The following ROBO2 variants were observed in gnomAD, a reference collection of about 807,000 sequenced individuals.
The protein encoded by ROBO2 is roundabout guidance receptor 2.
A neutral mutation model predicts 160.8 loss-of-function variants in ROBO2; 53 were observed. That is an observed-to-expected ratio of 0.33 (90% CI 0.26 to 0.41). ROBO2 has a LOEUF of 0.41. Among genes scored for constraint, ROBO2 ranks in the 10% least tolerant of loss-of-function variants. ROBO2 has a pLI of 1.00. For synonymous variants in ROBO2, 664 were observed against 611.7 expected (o/e 1.09, Z -1.26); for missense variants, 1,577 against 1,722.4 (o/e 0.92, Z 1.49).
chr3:76,063,350 T>A (rs2068130269), intron 2 of ROBO2, among the ~76,000 whole-genome samples: 1 of 151,016 alleles, frequency 6.6e-6, no homozygotes, highest in Non-Finnish European at 1.5e-5. Context: ...TCCCTTTTTT[T>A]TTTTTTTTTT....
chr3:77,353,099 A>AG (rs573915661), intron 2 of ROBO2, among the ~76,000 whole-genome samples: 76,293 of 141,742 alleles, frequency 0.54, 19,561 homozygotes, highest in East Asian at 0.8. Context: ...ACTTTTTCAT[A>AG]GTTTAAAAAT....
At chr3:76,357,851 C>T (rs1047399045) in intron 2 of ROBO2, among the ~76,000 whole-genome samples, 1 of 150,112 alleles carries the variant, frequency 6.7e-6, no homozygotes, top group African/African-American at 2.5e-5. Flanking sequence ...TTAGAAACAT[C>T]AAACCAAATC....
intron 2 of ROBO2, among the ~76,000 whole-genome samples, chr3:77,237,409 T>TGTG (rs766161627): frequency 1.0e-4 from 4 of 39,792 alleles, no homozygotes; most frequent in Admixed American, 2.5e-4. Flanking sequence ...TTTTGTTTTG[T>TGTG]TTTGTGTGTG....
Position 77,379,873 on chromosome 3 carries a change from T to C in ROBO2, c.389-97541T>C, listed in dbSNP as rs141109326. Among the ~76,000 whole-genome samples the C allele has an allele frequency of 1.3e-3, 201 of 152,224 alleles. 1 individual carries two copies. Among genetic ancestry groups the C allele is most frequent in the African/African-American group, 4.7e-3 (196 of 41,552 alleles). ...GCTCAGACTCCATTCACCTTTCTAG[T>C]TCCCCCGAGAGAGTCTCAATCCCAT... On this transcript the variant is annotated intron_variant, in intron 2 of 25. Transcript: ENST00000461745.
intron 2 of ROBO2, among the ~76,000 whole-genome samples, chr3:76,258,579 G>A (rs1206447645): frequency 1.3e-5 from 2 of 151,860 alleles, no homozygotes; most frequent in Non-Finnish European, 2.9e-5. Flanking sequence ...AATGTTATTT[G>A]TAAATATCTG....
chr3:76,538,139 G>A (rs925136895), intron 2 of ROBO2, among the ~76,000 whole-genome samples: 2 of 141,360 alleles, frequency 1.4e-5, no homozygotes, highest in African/African-American at 5.5e-5. Flanking sequence ...TGGCTCAGAG[G>A]CCTGACAGAA....
At chr3:77,296,446 C>T (rs747619339) in intron 2 of ROBO2, among the ~76,000 whole-genome samples, 52 of 152,236 alleles carry the variant, frequency 3.4e-4, no homozygotes, top group Middle Eastern at 3.4e-3. Context: ...GGCTAGGGCA[C>T]GAAGTCACAC....
At chr3:76,396,015 A>G (rs1370451655) in intron 2 of ROBO2, among the ~76,000 whole-genome samples, 1 of 152,138 alleles carries the variant, frequency 6.6e-6, no homozygotes, top group Admixed American at 6.6e-5. Flanking sequence ...CAGAGACACA[A>G]CTAAAAAAGA....
intron 2 of ROBO2, among the ~76,000 whole-genome samples, chr3:75,953,747 C>T (rs1400588148): frequency 6.6e-6 from 1 of 151,832 alleles, no homozygotes; most frequent in Non-Finnish European, 1.5e-5. Flanking sequence ...ACAAAAATGA[C>T]AGCTTTTGAT....
Position 76,599,121 on chromosome 3 carries a change from G to C in ROBO2, c.110-498893G>C, listed in dbSNP as rs1005310168. 5.3e-5 allele frequency among the ~76,000 whole-genome samples: 8 copies of C among 152,050 alleles called. No individual in the cohort carries two copies. In the South Asian group the frequency reaches 8.3e-4, roughly 16 times the overall value. On this transcript the variant is annotated intron_variant, in intron 2 of 26. Coordinates refer to the ROBO2 transcript ENST00000487694. Reference sequence around the variant, plus strand: ...GGGTTACATGTGCAGGTTTATTATAGAGGTAAACTCATGTCACAGGGCATT... The same window carrying C: ...GGGTTACATGTGCAGGTTTATTATACAGGTAAACTCATGTCACAGGGCATT...
At chr3:77,232,651 T>C (rs1401893201) in intron 2 of ROBO2, among the ~76,000 whole-genome samples, 2 of 152,124 alleles carry the variant, frequency 1.3e-5, no homozygotes, top group South Asian at 2.1e-4. Context: ...CAGAAAGGGA[T>C]GGTAATTGTT....
exon 2 of ROBO2, chr3:77,098,317 G>T (rs1489562419): frequency 6.2e-7 from 1 of 1,614,180 alleles, no homozygotes; most frequent in Admixed American, 1.7e-5. Flanking sequence ...GCAGTGAGTC[G>T]AAATGCGTCT....
intron 2 of ROBO2, among the ~76,000 whole-genome samples, chr3:76,496,092 C>A (rs2080132791): frequency 6.6e-6 from 1 of 152,128 alleles, no homozygotes. Context: ...CCTCAATTTT[C>A]TTTATCTATA....
rs192617471 is a variant in ROBO2 at position 77,329,405 on chromosome 3, C to A, written c.389-148009C>A. On this transcript the variant is annotated intron_variant, in intron 2 of 25. Coordinates refer to ENST00000461745, the Ensembl canonical transcript of ROBO2. ...TCCTTGTCTCCATGACAAAACATAA[C>A]AAATGCTGTTTGTTCTAGTGTTTAG... Among the ~76,000 whole-genome samples, 41 of 152,288 alleles carry A rather than the reference C, an allele frequency of 2.7e-4. 1 individual carries two copies. The highest frequency in any genetic ancestry group is 9.9e-4 in the African/African-American group (41 of 41,568).
intron 2 of ROBO2, among the ~76,000 whole-genome samples, chr3:76,833,578 G>A (rs976457714): frequency 1.3e-5 from 2 of 152,168 alleles, no homozygotes; most frequent in Non-Finnish European, 2.9e-5. Context: ...ACTAAACTTA[G>A]ACATGCTGGT....
intron 2 of ROBO2, among the ~76,000 whole-genome samples, chr3:76,592,226 T>C (rs72904564): frequency 1.7e-4 from 26 of 152,172 alleles, no homozygotes; most frequent in African/African-American, 5.3e-4. Context: ...CCTTGAAACA[T>C]TGAATGTAAT....
At chr3:77,426,020 G>T (rs1340455037) in intron 2 of ROBO2, among the ~76,000 whole-genome samples, 1 of 152,082 alleles carries the variant, frequency 6.6e-6, no homozygotes, top group African/African-American at 2.4e-5. Context: ...GCCAAGGAGT[G>T]CATGACCCAG....
chr3:76,826,555 C>T (rs1046852918), intron 2 of ROBO2, among the ~76,000 whole-genome samples: 9 of 151,960 alleles, frequency 5.9e-5, no homozygotes, highest in Non-Finnish European at 7.4e-5. Context: ...GGTATGGCCC[C>T]GTAATAACAA....
chr3:77,373,525 T>C (rs1280452888), intron 2 of ROBO2, among the ~76,000 whole-genome samples: 1 of 152,138 alleles, frequency 6.6e-6, no homozygotes, highest in African/African-American at 2.4e-5. Flanking sequence ...ATGGTAGGTC[T>C]TCCTAGAGTA....
Sources: allele counts gnomAD v4.1 joint callset (sites outside exome capture counted in the v4.1 genomes callset), GRCh38; gene constraint gnomAD v4.1.1; transcripts MANE v1.5; gene names NCBI Gene and HGNC (gene_info 2026-07-23, HGNC 2026-07-21).